Variants in CASD1 observed in about 807,000 individuals in gnomAD.
CASD1 encodes N-acetylneuraminate (7)9-O-acetyltransferase.
CASD1 carries 41 observed loss-of-function variants against 100.0 expected under a neutral mutation model. The ratio of observed to expected loss-of-function variants is 0.41; its 90% CI spans 0.32 to 0.53. The LOEUF is 0.53. Among genes scored for constraint, CASD1 ranks in the 20% least tolerant of loss-of-function variants. The pLI is 0.25. For synonymous variants in CASD1, 321 were observed against 315.6 expected (o/e 1.02, Z -0.18); for missense variants, 774 against 948.7 (o/e 0.82, Z 2.42).
At chr7:94,618,829 G>A in the CASD1 span, 319 of 1,614,010 alleles carry the variant, frequency 2.0e-4, 6 homozygotes, top group South Asian at 2.9e-3. Flanking sequence ...TGTTTATGGC[G>A]TTCAGGCGCT....
the CASD1 span, among the ~76,000 whole-genome samples, chr7:94,630,093 T>C: frequency 6.6e-6 from 1 of 151,970 alleles, no homozygotes; most frequent in Non-Finnish European, 1.5e-5. Context: ...ATTATGCACA[T>C]TTAATATTTT....
chr7:94,523,529 T>C (rs1484308438), intron 3 of CASD1, among the ~76,000 whole-genome samples: 1 of 152,192 alleles, frequency 6.6e-6, no homozygotes, highest in Non-Finnish European at 1.5e-5. Flanking sequence ...AGAAAAGCCA[T>C]AAAAATTTAT....
At chr7:94,607,556 G>A in the CASD1 span, among the ~76,000 whole-genome samples, 1 of 152,004 alleles carries the variant, frequency 6.6e-6, no homozygotes, top group Non-Finnish European at 1.5e-5. Context: ...TCACATGACA[G>A]CATCATCAGA....
At chr7:94,600,520 T>C in the CASD1 span, 1 of 707,202 alleles carries the variant, frequency 1.4e-6, no homozygotes, top group Non-Finnish European at 2.5e-6. Flanking sequence ...TATTGCAGTT[T>C]GGACACAATT....
chr7:94,523,027 A>G (rs1483326262), intron 3 of CASD1, among the ~76,000 whole-genome samples: 1 of 152,192 alleles, frequency 6.6e-6, no homozygotes, highest in African/African-American at 2.4e-5. Context: ...AATTGGTGTC[A>G]TTCTTGCTTT....
chr7:94,545,686 C>T lies in CASD1; in HGVS notation c.1618C>T (p.Gln540Ter). 2 of 1,573,664 alleles carry T rather than the reference C, an allele frequency of 1.3e-6. No homozygotes were observed. Among genetic ancestry groups the T allele is most frequent in the South Asian group, 2.4e-5 (2 of 84,148 alleles). ...VTLALWPQII[Q>*]KKANGNCFWH... The stretch of plus-strand genomic sequence containing the variant: ...TTTAGCACTATGGCCACAAATAATC[C>T]AAAAAAAAGCAAACGGTAAATATAC... Residue 540 changes from glutamine to a stop codon, truncating the protein, a stop_gained, in exon 12 of 18, where the codon CAA (glutamine) becomes TAA (stop). Coordinates refer to ENST00000297273, the MANE Select transcript of CASD1 (RefSeq NM_022900.5). LOFTEE classifies it high-confidence loss of function.
downstream of CASD1, among the ~76,000 whole-genome samples, chr7:94,560,922 G>C (rs555047303): frequency 6.6e-6 from 1 of 152,272 alleles, no homozygotes; most frequent in East Asian, 1.9e-4. Context: ...GGTAAATCCA[G>C]AATTGCTACA....
At chr7:94,573,047 A>T in the CASD1 span, among the ~76,000 whole-genome samples, 1 of 151,766 alleles carries the variant, frequency 6.6e-6, no homozygotes, top group African/African-American at 2.4e-5. Flanking sequence ...ATAGGGGTGC[A>T]GTCTTATATC....
chr7:94,600,804 C>T, the CASD1 span: 10 of 1,613,024 alleles, frequency 6.2e-6, no homozygotes, highest in South Asian at 2.2e-5. Context: ...CAGGTAAAAT[C>T]CCCTCTCCAC....
chr7:94,525,130 T>C (rs1438924467), intron 3 of CASD1, among the ~76,000 whole-genome samples: 2 of 152,114 alleles, frequency 1.3e-5, no homozygotes, highest in Non-Finnish European at 2.9e-5. Context: ...ATAGAATATG[T>C]ATGTGTAGAG....
the CASD1 span, among the ~76,000 whole-genome samples, chr7:94,606,291 T>C: frequency 1.3e-5 from 2 of 152,208 alleles, no homozygotes; most frequent in Non-Finnish European, 2.9e-5. Context: ...GAGAAAGATA[T>C]ACTATGCTAA....
At chr7:94,588,826 C>T in the CASD1 span, 2 of 1,388,464 alleles carry the variant, frequency 1.4e-6, no homozygotes, top group Non-Finnish European at 2.0e-6. Flanking sequence ...TACGGGTAAA[C>T]TATGACCCCA....
the CASD1 span, among the ~76,000 whole-genome samples, chr7:94,573,723 T>C: frequency 9.9e-5 from 15 of 151,636 alleles, no homozygotes; most frequent in African/African-American, 3.7e-4. Flanking sequence ...CCTTTATTTC[T>C]TTCTCTTGCT....
the CASD1 span, among the ~76,000 whole-genome samples, chr7:94,567,269 G>A: frequency 6.6e-6 from 1 of 151,976 alleles, no homozygotes; most frequent in Non-Finnish European, 1.5e-5. Context: ...CTTTATTATA[G>A]TGATTTATTT....
intron 17 of CASD1, among the ~76,000 whole-genome samples, 175 bp from the exon 18 acceptor site, chr7:94,555,317 G>T (rs1000258806): frequency 6.6e-6 from 1 of 151,986 alleles, no homozygotes; most frequent in African/African-American, 2.4e-5. Context: ...TTAGCAGTTG[G>T]AGTTCTAAGG....
chr7:94,521,459 G>T (rs751992687), intron 3 of CASD1, among the ~76,000 whole-genome samples: 1 of 152,114 alleles, frequency 6.6e-6, no homozygotes, highest in Non-Finnish European at 1.5e-5. Context: ...AAGGGTAAAT[G>T]ATCACAATTA....
At chr7:94,623,246 G>T in the CASD1 span, 2 of 861,702 alleles carry the variant, frequency 2.3e-6, no homozygotes, top group South Asian at 1.7e-5. Context: ...TAAAATTCTT[G>T]ACTATATTTT....
intron 15 of CASD1, 106 bp downstream of exon 15, chr7:94,551,584 T>C (rs928251808): frequency 2.6e-5 from 12 of 463,700 alleles, no homozygotes; most frequent in Non-Finnish European, 3.9e-5. Flanking sequence ...TTTCTCCTTA[T>C]TTTTCTTTTT....
chr7:94,622,105 C>A, the CASD1 span: 1 of 152,106 alleles, frequency 6.6e-6, no homozygotes, highest in African/African-American at 2.4e-5. Context: ...TAATTTTTAA[C>A]CCAGCCTTGA....
Sources: allele counts gnomAD v4.1 joint callset (sites outside exome capture counted in the v4.1 genomes callset), GRCh38; gene constraint gnomAD v4.1.1; transcripts MANE v1.5; gene names NCBI Gene and HGNC (gene_info 2026-07-23, HGNC 2026-07-21).